MYRIP: variants seen among roughly 807,000 people sequenced by gnomAD.
The protein encoded by MYRIP is rab effector MyRIP.
Under a neutral mutation model 98.0 loss-of-function variants are expected in MYRIP, and 49 were observed. The observed-to-expected ratio is 0.50, with a 90% CI of 0.40 to 0.63. The LOEUF is 0.63. MYRIP is among the 30% of genes least tolerant of loss of function. The pLI, the probability that MYRIP is intolerant of heterozygous loss-of-function variation, is 0.00. For missense variants in MYRIP, 1,004 were observed against 1,058.2 expected, an observed-to-expected ratio of 0.95 and a Z score of 0.71; for synonymous variants, 404 against 409.5, an observed-to-expected ratio of 0.99 and a Z score of 0.16.
At chr3:39,868,887 C>T (rs1942701810) in intron 1 of MYRIP, among the ~76,000 whole-genome samples, 1 of 152,194 alleles carries the variant, frequency 6.6e-6, no homozygotes, top group African/African-American at 2.4e-5. Context: ...CTTCTGTCCT[C>T]CACAATTTCT....
At chr3:40,119,829 A>G (rs898200297) in intron 3 of MYRIP, among the ~76,000 whole-genome samples, 1 of 152,092 alleles carries the variant, frequency 6.6e-6, no homozygotes, top group Admixed American at 6.6e-5. Context: ...TGACGAGTTA[A>G]TGGGTGCAGC....
At chr3:39,972,377 T>G (rs1945608751) in intron 2 of MYRIP, among the ~76,000 whole-genome samples, 1 of 152,046 alleles carries the variant, frequency 6.6e-6, no homozygotes, top group African/African-American at 2.4e-5. Flanking sequence ...TTTAACTTTG[T>G]TTTTGGGTGA....
intron 3 of MYRIP, among the ~76,000 whole-genome samples, chr3:40,121,318 C>A (rs1000730224): frequency 6.6e-6 from 1 of 152,146 alleles, no homozygotes; most frequent in Non-Finnish European, 1.5e-5. Flanking sequence ...TGGTTTTTAT[C>A]CCTATTAATA....
intron 3 of MYRIP, among the ~76,000 whole-genome samples, chr3:40,092,464 G>A (rs1948750260): frequency 6.6e-6 from 1 of 152,150 alleles, no homozygotes; most frequent in Non-Finnish European, 1.5e-5. Flanking sequence ...CTGATGGAGG[G>A]GCATTCAGGA....
intron 2 of MYRIP, among the ~76,000 whole-genome samples, chr3:40,026,337 A>G (rs1947126980): frequency 6.6e-6 from 1 of 151,828 alleles, no homozygotes; most frequent in Non-Finnish European, 1.5e-5. Flanking sequence ...AATCGCTGTT[A>G]TTCTGTTCTT....
At chr3:40,232,993 T>C (rs995464302) in intron 11 of MYRIP, 4 of 152,236 alleles carry the variant, frequency 2.6e-5, no homozygotes, top group African/African-American at 9.6e-5. Context: ...TCCTTCAGTC[T>C]TTCTGCCCCA....
chr3:40,204,292 C>G (rs184246040), intron 10 of MYRIP, among the ~76,000 whole-genome samples: 153 of 129,802 alleles, frequency 1.2e-3, no homozygotes, highest in African/African-American at 4.2e-3. Flanking sequence ...TGCAGTGGTA[C>G]GAGCTCAGCT....
intron 1 of MYRIP, among the ~76,000 whole-genome samples, chr3:39,895,790 A>C (rs1943593052): frequency 6.6e-6 from 1 of 152,224 alleles, no homozygotes; most frequent in Non-Finnish European, 1.5e-5. Context: ...AAAAATAAAA[A>C]TGATGAGAGA....
intron 2 of MYRIP, among the ~76,000 whole-genome samples, chr3:40,021,101 G>A (rs1011205844): frequency 2.6e-5 from 4 of 152,114 alleles, no homozygotes; most frequent in African/African-American, 9.7e-5. Context: ...GCATGACTAA[G>A]GCAAGGAAGC....
chr3:40,155,412 T>C (rs1950209042), intron 4 of MYRIP, among the ~76,000 whole-genome samples: 1 of 151,848 alleles, frequency 6.6e-6, no homozygotes, highest in Non-Finnish European at 1.5e-5. Context: ...TTGGGTTGGT[T>C]CCAAGTCTTT....
intron 1 of MYRIP, among the ~76,000 whole-genome samples, chr3:39,867,411 T>C (rs990501018): frequency 2.0e-5 from 3 of 152,168 alleles, no homozygotes. Flanking sequence ...ATTTGCAAAC[T>C]ACATACGTAT....
At chr3:40,231,358 C>T (rs925857533) in intron 11 of MYRIP, among the ~76,000 whole-genome samples, 1 of 152,212 alleles carries the variant, frequency 6.6e-6, no homozygotes, top group Admixed American at 6.5e-5. Context: ...GGAACTACAT[C>T]CCTCTTGTTC....
intron 12 of MYRIP, among the ~76,000 whole-genome samples, chr3:40,243,400 TAA>T (rs10655936): frequency 6.7e-5 from 9 of 135,118 alleles, no homozygotes; most frequent in Non-Finnish European, 4.7e-5. Context: ...TCACTAAGTG[TAA>T]AAAAAAAAAA....
chr3:40,073,350 A>C (rs996758155), intron 3 of MYRIP, among the ~76,000 whole-genome samples: 1 of 152,186 alleles, frequency 6.6e-6, no homozygotes, highest in Non-Finnish European at 1.5e-5. Flanking sequence ...AGCAGCCCCA[A>C]GAGTTCTGCA....
intron 2 of MYRIP, among the ~76,000 whole-genome samples, chr3:39,941,369 T>C (rs1219468544): frequency 6.6e-6 from 1 of 152,010 alleles, no homozygotes; most frequent in Non-Finnish European, 1.5e-5. Flanking sequence ...GCCACCTCCA[T>C]GACCCTAACA....
At chr3:40,215,410 C>G (rs1952086740) in intron 11 of MYRIP, among the ~76,000 whole-genome samples, 1 of 152,054 alleles carries the variant, frequency 6.6e-6, no homozygotes, top group African/African-American at 2.4e-5. Flanking sequence ...TGAGACTTCT[C>G]TAAACTAATA....
chr3:39,889,317 G>A (rs1943413228), intron 1 of MYRIP, among the ~76,000 whole-genome samples: 1 of 152,040 alleles, frequency 6.6e-6, no homozygotes, highest in African/African-American at 2.4e-5. Context: ...AAGAAAATGT[G>A]GCACATATAC....
At chr3:40,043,989 A>T (rs1947608540) in intron 2 of MYRIP, 61 bp from the exon 3 acceptor site, 3 of 1,510,686 alleles carry the variant, frequency 2.0e-6, no homozygotes, top group Non-Finnish European at 2.7e-6. Flanking sequence ...TTGGGGAGAC[A>T]CCCCCTGACC....
At chr3:40,061,690 C>T (rs894981897) in intron 3 of MYRIP, among the ~76,000 whole-genome samples, 3 of 152,166 alleles carry the variant, frequency 2.0e-5, no homozygotes, top group African/African-American at 7.2e-5. Flanking sequence ...AACTAATTTA[C>T]ACTCCCACCA....
Sources: gnomAD v4.1 joint callset for allele counts (sites outside exome capture counted in the v4.1 genomes callset) on GRCh38, gnomAD v4.1.1 for gene constraint, MANE v1.5 for transcripts, NCBI Gene and HGNC (gene_info 2026-07-23, HGNC 2026-07-21) for gene names.